The following DNMT3A variants were observed in gnomAD, a reference collection of about 807,000 sequenced individuals.
DNMT3A encodes the protein DNA (cytosine-5)-methyltransferase 3A.
A neutral mutation model predicts 117.6 loss-of-function variants in DNMT3A; 267 were observed. That is an observed-to-expected ratio of 2.27 (90% confidence interval 2.05 to 2.51). The LOEUF is 2.51. Among genes scored for constraint, DNMT3A ranks in the 30% most tolerant of loss-of-function variants. The pLI, the probability that DNMT3A is intolerant of heterozygous loss-of-function variation, is 0.00. For missense variants in DNMT3A, 1,029 were observed against 1,260.2 expected (o/e 0.82, Z 2.78); for synonymous variants, 432 against 474.8 (o/e 0.91, Z 1.17).
In DNMT3A at chr2:25,248,015, G is replaced by A. The variant is rs561148638; in HGVS notation, c.855+22C>T. ...AAGGCCCCCGGAAAGAGCTGGCCAC[G>A]GCTGGTGAAGAAGCCGCTCACCTCG... On this transcript the variant is annotated intron_variant, in intron 7 of 22. Coordinates refer to ENST00000321117, the MANE Select transcript of DNMT3A (RefSeq NM_022552.5). The A allele has an allele frequency of 3.0e-5, 49 of 1,611,550 alleles. No individual in the cohort carries two copies. In the South Asian group the frequency reaches 3.1e-4, roughly 10 times the overall value.
intron 2 of DNMT3A, among the ~76,000 whole-genome samples, chr2:25,309,003 A>ACACACG (rs1245906995): frequency 1.3e-5 from 2 of 151,708 alleles, no homozygotes; most frequent in Non-Finnish European, 2.9e-5. Flanking sequence ...ACACACACGC[A>ACACACG]CGCACATGTG....
At chr2:25,243,076 G>A (rs1167242889) in intron 16 of DNMT3A, among the ~76,000 whole-genome samples, 2 of 152,180 alleles carry the variant, frequency 1.3e-5, no homozygotes, top group Non-Finnish European at 2.9e-5. Flanking sequence ...GGAGGCCGAG[G>A]TGGGCGGATC....
At chr2:25,341,152 C>T (rs913553385) in intron 1 of DNMT3A, among the ~76,000 whole-genome samples, 1 of 145,298 alleles carries the variant, frequency 6.9e-6, no homozygotes, top group African/African-American at 2.5e-5. Flanking sequence ...CATCACCCCT[C>T]GGCCCGCCCC....
intron 2 of DNMT3A, 55 bp downstream of exon 2, chr2:25,313,858 G>A: frequency 1.3e-6 from 2 of 1,548,552 alleles, no homozygotes; most frequent in Non-Finnish European, 8.7e-7. Flanking sequence ...ATCACATAGG[G>A]ACAGGGCTCT....
At chr2:25,265,213 C>T (rs1573385483) in intron 6 of DNMT3A, among the ~76,000 whole-genome samples, 1 of 152,238 alleles carries the variant, frequency 6.6e-6, no homozygotes, top group African/African-American at 2.4e-5. Flanking sequence ...GGGACCTGAG[C>T]CTCCTGGCAA....
At position 25,252,668 on chromosome 2, in the gene DNMT3A, C is replaced by T. The variant is rs374211090; in HGVS notation, c.640-4416G>A. 6.4e-4 allele frequency among the ~76,000 whole-genome samples: 97 copies of T among 151,586 alleles called. No homozygotes were observed. The highest frequency in any genetic ancestry group is 9.2e-4 in the Admixed American group (14 of 15,232). On this transcript the variant is annotated intron_variant, in intron 6 of 22. Coordinates refer to ENST00000321117, the MANE Select transcript of DNMT3A (RefSeq NM_022552.5). This position sits in a 1 kb window ranked among gnomAD's most constrained non-coding sequence, Gnocchi z 5.5. ...AGGGGCTGCTCCCGAGCCGCCTGCC[C>T]GGAGGGAGCCGGGGGTCCGGGCGAA...
Position 25,311,588 on chromosome 2 carries a change from C to G in DNMT3A, c.72+2325G>C, listed in dbSNP as rs1051146410. 6.6e-6 allele frequency among the ~76,000 whole-genome samples: 1 copy of G among 152,160 alleles called. No individual in the cohort carries two copies. The highest frequency in any genetic ancestry group is 2.4e-5 in the African/African-American group (1 of 41,448). Reference sequence around the variant, plus strand: ...GTGTGAGTGTGCACTCTATCAGCACCGGGATCTAGGGCTGGGTGTGTGTTT... The same window carrying G: ...GTGTGAGTGTGCACTCTATCAGCACGGGGATCTAGGGCTGGGTGTGTGTTT... On this transcript the variant is annotated intron_variant, in intron 2 of 22. Coordinates refer to ENST00000321117, the MANE Select transcript of DNMT3A (RefSeq NM_022552.5). This position sits in a 1 kb window ranked among gnomAD's most constrained non-coding sequence, Gnocchi z 5.2.
Position 25,234,264 on chromosome 2 carries a change from T to G in DNMT3A, c.*15A>C. 1 of 1,597,456 alleles carries G rather than the reference T, an allele frequency of 6.3e-7. No individual in the cohort carries two copies. The highest frequency in any genetic ancestry group is 8.5e-7 in the Non-Finnish European group (1 of 1,169,900). ...TTTAACTTTGTGTCGCTACCTCAGT[T>G]TGCCCCCATGTCCCTTACACACACG... On this transcript the variant is annotated 3_prime_UTR_variant, in exon 23 of 23. Coordinates refer to ENST00000321117, the MANE Select transcript of DNMT3A (RefSeq NM_022552.5). This position sits in a 1 kb window ranked among gnomAD's most constrained non-coding sequence, Gnocchi z 4.5.
rs1306214311 is a variant in DNMT3A at position 25,337,521 on chromosome 2, G to C, written c.-178+4305C>G. Among the ~76,000 whole-genome samples, 1 of 152,212 alleles carries C rather than the reference G, an allele frequency of 6.6e-6. No individual in the cohort carries two copies. The highest frequency in any genetic ancestry group is 1.9e-4 in the East Asian group (1 of 5,190). The stretch of plus-strand genomic sequence containing the variant: ...CCCAGGGAATCGAGTTGTTGCCCAA[G>C]TTCCTGCCGCTGGGAGGTGTCAGAG... On this transcript the variant is annotated intron_variant, in intron 1 of 22. Transcript: ENST00000321117. This position sits in a 1 kb window ranked among gnomAD's most constrained non-coding sequence, Gnocchi z 5.0.
intron 1 of DNMT3A, among the ~76,000 whole-genome samples, chr2:25,330,048 G>C (rs899000486): frequency 6.6e-6 from 1 of 152,178 alleles, no homozygotes; most frequent in Non-Finnish European, 1.5e-5. Flanking sequence ...GCCTGTACTA[G>C]AAAACTAACA....
At chr2:25,280,886 G>A (rs2031841755) in intron 4 of DNMT3A, among the ~76,000 whole-genome samples, 1 of 152,188 alleles carries the variant, frequency 6.6e-6, no homozygotes, top group African/African-American at 2.4e-5. Flanking sequence ...TTGGGGCTAT[G>A]GCTCCATGCT....
intron 1 of DNMT3A, 57 bp downstream of exon 1, chr2:25,341,769 C>A (rs1386204247): frequency 2.4e-5 from 23 of 973,798 alleles, no homozygotes; most frequent in Non-Finnish European, 2.6e-5. Context: ...CCCGGCTCCC[C>A]GGCTCCCCGC....
At chr2:25,322,942 T>C (rs2034650940) in intron 1 of DNMT3A, among the ~76,000 whole-genome samples, 1 of 152,038 alleles carries the variant, frequency 6.6e-6, no homozygotes, top group South Asian at 2.1e-4. Flanking sequence ...ACCATTTCTG[T>C]AGCAGGTCCT....
At chr2:25,278,504 G>C (rs1312150559) in intron 4 of DNMT3A, among the ~76,000 whole-genome samples, 3 of 152,294 alleles carry the variant, frequency 2.0e-5, no homozygotes, top group Non-Finnish European at 4.4e-5. Flanking sequence ...TGAAGCTTCA[G>C]TCTCCCCATC....
chr2:25,245,314 C>T lies in DNMT3A; in HGVS notation c.1493G>A (p.Gly498Glu). ...GTGTTCCAGGGTAACATTGAGGCTCCCACAGGAGATGCAGATGTCTGGAAA... is the reference window on the plus strand; with the variant it reads ...GTGTTCCAGGGTAACATTGAGGCTCTCACAGGAGATGCAGATGTCTGGAAA... ...RNIEDICISCGSLNVTLEHPL... is the reference protein window; with the variant it reads ...RNIEDICISCESLNVTLEHPL... The change falls in exon 13 of 23, where the codon GGG (glycine) becomes GAG (glutamate). Residue 498 changes from glycine (G) to glutamate (E), a missense_variant. By Grantham distance (98) the Gly-to-Glu change is moderately conservative. Transcript: ENST00000321117. The T allele has an allele frequency of 6.2e-7, 1 of 1,613,924 alleles. No individual in the cohort carries two copies. Among genetic ancestry groups the T allele is most frequent in the Non-Finnish European group, 8.5e-7 (1 of 1,179,964 alleles).
intron 1 of DNMT3A, chr2:25,314,750 G>A (rs866445784): frequency 1.2e-5 from 12 of 977,128 alleles, no homozygotes; most frequent in East Asian, 1.1e-4. Context: ...CCACGGCCAC[G>A]GCCAAGGCCA....
chr2:25,328,152 C>T (rs539680712), intron 1 of DNMT3A, among the ~76,000 whole-genome samples: 3 of 152,330 alleles, frequency 2.0e-5, no homozygotes, highest in South Asian at 2.1e-4. Context: ...CTAAAACCAT[C>T]GAACTGTACA....
intron 3 of DNMT3A, among the ~76,000 whole-genome samples, chr2:25,297,368 G>C (rs769154734): frequency 4.6e-5 from 7 of 152,118 alleles, no homozygotes; most frequent in Non-Finnish European, 7.4e-5. Flanking sequence ...TCCAGACCAC[G>C]AGGGGCACGG....
intron 6 of DNMT3A, among the ~76,000 whole-genome samples, chr2:25,249,885 A>T (rs1675302023): frequency 6.6e-6 from 1 of 152,144 alleles, no homozygotes; most frequent in East Asian, 1.9e-4. Context: ...CTTTCAAAAG[A>T]GCTCCCCCAT....
Sources: gnomAD v4.1 joint callset for allele counts (sites outside exome capture counted in the v4.1 genomes callset) on GRCh38, gnomAD v4.1.1 for gene constraint, Gnocchi (gnomAD v3.1) non-coding constraint, MANE v1.5 for transcripts, NCBI Gene and HGNC (gene_info 2026-07-23, HGNC 2026-07-21) for gene names.